The following EYS variants were observed in gnomAD, a reference collection of about 807,000 sequenced individuals.
EYS encodes the protein EGF-like photoreceptor maintenance factor.
EYS carries 250 observed loss-of-function variants against 282.1 expected under a neutral mutation model. The observed-to-expected ratio is 0.89, with a 90% CI of 0.80 to 0.98. EYS has a LOEUF of 0.98. EYS is among the 50% of genes least tolerant of loss of function. The pLI is 0.00. For missense variants in EYS, 4,016 were observed against 3,709.0 expected (o/e 1.08, Z -2.15); for synonymous variants, 1,355 against 1,282.9 (o/e 1.06, Z -1.20).
chr6:63,829,031 A>G (rs1032924679), intron 36 of EYS, among the ~76,000 whole-genome samples: 1 of 152,258 alleles, frequency 6.6e-6, no homozygotes, highest in Non-Finnish European at 1.5e-5. Context: ...TTGCACATGC[A>G]TGTTTATAGC....
At chr6:63,844,564 G>A (rs1406416063) in intron 36 of EYS, among the ~76,000 whole-genome samples, 1 of 150,948 alleles carries the variant, frequency 6.6e-6, no homozygotes, top group Non-Finnish European at 1.5e-5. Flanking sequence ...GATGTAAGAG[G>A]ATATCTCATT....
At chr6:64,992,438 T>C (rs553884068) in intron 14 of EYS, among the ~76,000 whole-genome samples, 25 of 151,972 alleles carry the variant, frequency 1.6e-4, no homozygotes, top group Admixed American at 2.6e-4. Context: ...TAAGAAAATA[T>C]TTATTCTTAG....
chr6:63,741,891 TG>T, intron 41 of EYS: 1 of 702,134 alleles, frequency 1.4e-6, no homozygotes. Context: ...GTTTTTGTTT[TG>T]CTGTTTGTAC....
chr6:65,184,548 C>A lies in EYS; in HGVS notation c.2023+111315G>T, dbSNP rs564982970. Among the ~76,000 whole-genome samples, 195 of 151,136 alleles carry A rather than the reference C, an allele frequency of 1.3e-3. 1 individual carries two copies. The highest frequency in any genetic ancestry group is 2.8e-3 in the Admixed American group (43 of 15,134). ...CAAATAAACAGCAACAAACCGAGAA[C>A]AAATATATAAATCCTGATTTTAAAT... On this transcript the variant is annotated intron_variant, in intron 12 of 42. Transcript: ENST00000503581.
intron 26 of EYS, among the ~76,000 whole-genome samples, chr6:64,459,238 G>A (rs894041739): frequency 4.6e-5 from 7 of 151,966 alleles, no homozygotes; most frequent in South Asian, 4.2e-4. Context: ...TGTTGAATAC[G>A]TAAAGAATAT....
At chr6:64,251,015 C>T (rs1767193835) in intron 30 of EYS, among the ~76,000 whole-genome samples, 1 of 152,102 alleles carries the variant, frequency 6.6e-6, no homozygotes, top group African/African-American at 2.4e-5. Context: ...TAGATTAAAG[C>T]AACACTCTTT....
At chr6:64,657,054 T>C (rs549100849) in intron 22 of EYS, among the ~76,000 whole-genome samples, 1 of 152,210 alleles carries the variant, frequency 6.6e-6, no homozygotes, top group Non-Finnish European at 1.5e-5. Flanking sequence ...TGGGTGCATA[T>C]ATATTTAGGA....
Position 64,880,577 on chromosome 6 carries a change from A to C in EYS, c.2992+6120T>G, listed in dbSNP as rs181022872. On this transcript the variant is annotated intron_variant, in intron 19 of 42. Transcript: ENST00000503581. ...TTATAGGCATCTTGAACCCAAACCT[A>C]ATCAACTTTTTCCGTAGCTTTCCCT... 4.0e-5 allele frequency among the ~76,000 whole-genome samples: 6 copies of C among 151,608 alleles called. No homozygotes were observed. In the East Asian group the frequency reaches 7.8e-4, roughly 20 times the overall value.
Position 64,112,727 on chromosome 6 carries a change from AT to A in EYS, c.6425-30726del, listed in dbSNP as rs199750464. On this transcript the variant is annotated intron_variant, in intron 31 of 42. Coordinates refer to ENST00000503581, the MANE Select transcript of EYS (RefSeq NM_001142800.2). The stretch of plus-strand genomic sequence containing the variant: ...GAATTAAAGAATAAAAATTTACTTA[AT>A]TTTTATTATATATATCTTCTATATA... Among the ~76,000 whole-genome samples, 466 of 149,638 alleles carry A rather than the reference AT, an allele frequency of 3.1e-3. 2 individuals carry two copies. The highest frequency in any genetic ancestry group is 0.011 in the Middle Eastern group (3 of 282).
At chr6:64,157,375 T>A (rs3013160) in intron 31 of EYS, among the ~76,000 whole-genome samples, 11,346 of 152,142 alleles carry the variant, frequency 0.075, 1,227 homozygotes, top group African/African-American at 0.24. Context: ...GACAGTGTGA[T>A]AGAAAAGAAA....
chr6:64,870,561 C>G (rs138839293), intron 19 of EYS, among the ~76,000 whole-genome samples: 1,768 of 151,610 alleles, frequency 0.012, 35 homozygotes, highest in African/African-American at 0.04. Flanking sequence ...AAAGATGGCC[C>G]ATTGAAATGG....
chr6:64,667,790 T>C (rs1471131262), intron 22 of EYS, among the ~76,000 whole-genome samples: 1 of 152,184 alleles, frequency 6.6e-6, no homozygotes, highest in African/African-American at 2.4e-5. Flanking sequence ...CACAAATGAA[T>C]AAATTCATAC....
At chr6:64,159,287 G>A (rs931764041) in intron 31 of EYS, among the ~76,000 whole-genome samples, 1 of 152,068 alleles carries the variant, frequency 6.6e-6, no homozygotes, top group Non-Finnish European at 1.5e-5. Context: ...CAGGTCAGGC[G>A]CGGTGGCTCA....
intron 22 of EYS, among the ~76,000 whole-genome samples, chr6:64,688,532 C>T (rs907320937): frequency 2.0e-5 from 3 of 152,168 alleles, no homozygotes; most frequent in African/African-American, 2.4e-5. Flanking sequence ...AATTGAGTGG[C>T]TTTGAGTGAG....
intron 5 of EYS, among the ~76,000 whole-genome samples, chr6:65,406,556 T>C (rs1207466659): frequency 6.6e-6 from 1 of 152,166 alleles, no homozygotes; most frequent in African/African-American, 2.4e-5. Flanking sequence ...TTAGCTCCTA[T>C]GTTTAGATTC....
intron 22 of EYS, among the ~76,000 whole-genome samples, chr6:64,761,815 C>T (rs1773169655): frequency 6.6e-6 from 1 of 152,026 alleles, no homozygotes; most frequent in Admixed American, 6.6e-5. Context: ...ACAGATAGGA[C>T]ATAATATATA....
At chr6:63,836,028 C>T (rs1320569656) in intron 36 of EYS, among the ~76,000 whole-genome samples, 3 of 151,884 alleles carry the variant, frequency 2.0e-5, no homozygotes, top group Non-Finnish European at 2.9e-5. Flanking sequence ...GAATAATGCT[C>T]CTATGAAAAT....
At chr6:65,320,452 C>T (rs1309671609) in intron 11 of EYS, among the ~76,000 whole-genome samples, 5 of 152,030 alleles carry the variant, frequency 3.3e-5, no homozygotes, top group African/African-American at 1.2e-4. Flanking sequence ...TCAGTTGCAG[C>T]CCTGGGACTG....
At chr6:63,746,594 A>G (rs2149645735) in intron 41 of EYS, among the ~76,000 whole-genome samples, 1 of 152,162 alleles carries the variant, frequency 6.6e-6, no homozygotes, top group South Asian at 2.1e-4. Context: ...TTGCTGCCTC[A>G]ATTTTAGAAC....
Sources: gnomAD v4.1 joint callset for allele counts (sites outside exome capture counted in the v4.1 genomes callset) on GRCh38, gnomAD v4.1.1 for gene constraint, MANE v1.5 for transcripts, NCBI Gene and HGNC (gene_info 2026-07-23, HGNC 2026-07-21) for gene names.